Variants in DHX37 observed in about 807,000 individuals in gnomAD.
The protein encoded by DHX37 is DEAH-box helicase 37.
DHX37 carries 52 observed loss-of-function variants against 134.3 expected under a neutral mutation model. That is an observed-to-expected ratio of 0.39 (90% CI 0.31 to 0.49). The LOEUF (loss-of-function observed/expected upper bound fraction) is 0.49. Ranked by LOEUF, DHX37 falls within the 20% of genes least tolerant of loss-of-function variation. The pLI, the probability that DHX37 is intolerant of heterozygous loss-of-function variation, is 0.93. For synonymous variants in DHX37, 634 were observed against 670.7 expected (o/e 0.95, Z 0.85); for missense variants, 1,344 against 1,580.8 (o/e 0.85, Z 2.54).
chr12:124,975,950 G>A (rs1954631246), intron 5 of DHX37, among the ~76,000 whole-genome samples: 1 of 152,230 alleles, frequency 6.6e-6, no homozygotes, highest in South Asian at 2.1e-4. Context: ...CAACAGGAGA[G>A]CTCCTTCCAT....
intron 10 of DHX37, among the ~76,000 whole-genome samples, chr12:124,967,906 T>C (rs190884021): frequency 2.1e-4 from 32 of 151,942 alleles, no homozygotes; most frequent in African/African-American, 7.5e-4. Context: ...CCATCTCTAC[T>C]AAAATACAAA....
chr12:124,985,577 ATAC>A (rs1954852614), intron 2 of DHX37, among the ~76,000 whole-genome samples: 1 of 98,324 alleles, frequency 1.0e-5, no homozygotes. Context: ...TCTACTAAAA[ATAC>A]AAAAAAAAAA....
Position 124,975,516 on chromosome 12 carries a change from G to A in DHX37, c.888-5C>T, listed in dbSNP as rs200622385. On this transcript the variant is annotated splice_polypyrimidine_tract_variant and splice_region_variant and intron_variant, in intron 5 of 26. Transcript: ENST00000308736. ...ACACCGATGATGCTGTCTTCACTGG[G>A]GGAGGAAGAACATGGCCATCAACAG... The A allele has an allele frequency of 6.2e-6, 10 of 1,611,886 alleles. No individual in the cohort carries two copies. In the African/African-American group the frequency reaches 6.7e-5, roughly 11 times the overall value.
At chr12:124,964,764 G>C in intron 14 of DHX37, 138 bp from the exon 15 acceptor site, 1 of 1,469,152 alleles carries the variant, frequency 6.8e-7, no homozygotes, top group Non-Finnish European at 9.1e-7. Context: ...GGGGCCCAGT[G>C]CCTTGGGGGA....
intron 2 of DHX37, 33 bp downstream of exon 2, chr12:124,986,063 G>T (rs1236499638): frequency 6.2e-7 from 1 of 1,610,982 alleles, no homozygotes; most frequent in South Asian, 1.1e-5. Flanking sequence ...ATGCTGGAGA[G>T]CCACTTGCAG....
rs1594510569 is a variant in DHX37, at chr12:124,980,807, C to T, written c.421G>A (p.Glu141Lys). The change falls in exon 4 of 27, where the codon GAG becomes AAG. Residue 141 changes from glutamate to lysine, a missense_variant. Physicochemically the swap from Glu to Lys is moderately conservative, Grantham distance 56. This residue lies in a region of DHX37 where 319 missense variants were observed against 296.1 expected (regional missense o/e 1.08). Transcript: ENST00000308736. The surrounding 1 kb of genome is among the most constrained non-coding windows in gnomAD (Gnocchi z 5.3). ...GCACCGCTGAGGCTACTGATCTTCT[C>T]CTGGCCCGGGGCTACCACCTCGTCA... is the stretch of plus-strand genomic sequence containing the variant. ...KADEVVAPGQ[E>K]KISSLSGAHR... is the part of the protein sequence containing the mutation. The T allele has an allele frequency of 1.3e-6, 2 of 1,557,304 alleles. No individual in the cohort carries two copies. Among genetic ancestry groups the T allele is most frequent in the South Asian group, 1.2e-5 (1 of 85,658 alleles).
chr12:124,952,415 A>T lies in DHX37; in HGVS notation c.2851T>A (p.Trp951Arg), dbSNP rs1481848818. 1 of 1,609,786 alleles carries T rather than the reference A, an allele frequency of 6.2e-7. No homozygotes were observed. Among genetic ancestry groups the T allele is most frequent in the African/African-American group, 1.3e-5 (1 of 74,872 alleles). ...VQSEEMLEDK[W>R]RNAYKTPLLD... is the part of the protein sequence containing the mutation. ...GGCCGCACCTTGTAGGCGTTCCTCC[A>T]CTTGTCCTCCAGCATCTCCTCGCTC... Residue 951 changes from tryptophan (W) to arginine (R), a missense_variant, in exon 21 of 27, where the codon TGG (tryptophan) becomes AGG (arginine). Transcript: ENST00000308736.
Position 124,952,350 on chromosome 12 carries a change from C to G in DHX37, c.2868+48G>C, listed in dbSNP as rs753621820. On this transcript the variant is annotated intron_variant, in intron 21 of 26. Coordinates refer to ENST00000308736, the MANE Select transcript of DHX37 (RefSeq NM_032656.4). Reference sequence around the variant, plus strand: ...CTGAGGGCCCAGCCCGCCTGCCCCTCACCAGGTGCCCCAAGCTACCCGGGC... The same window carrying G: ...CTGAGGGCCCAGCCCGCCTGCCCCTGACCAGGTGCCCCAAGCTACCCGGGC... 9 of 1,543,070 alleles carry G rather than the reference C, an allele frequency of 5.8e-6. No individual in the cohort carries two copies. In the East Asian group the frequency reaches 2.2e-4, roughly 38 times the overall value.
chr12:124,972,686 G>T, intron 6 of DHX37, 87 bp from the exon 7 acceptor site: 1 of 1,391,828 alleles, frequency 7.2e-7, no homozygotes, highest in South Asian at 1.2e-5. Context: ...CCGTGGAGCA[G>T]GCAGGCGGCT....
In DHX37 at chr12:124,954,195, C is replaced by T. The variant is rs199924927; in HGVS notation, c.2470G>A (p.Glu824Lys). The stretch of plus-strand genomic sequence containing the variant: ...TTGCTCTTCAGCCTGGTGAGCTCCT[C>T]GTCACTGGCCGCTGGTCTGCAAACA... Reference protein sequence around the residue: ...EELDRPAASDEELTRLKSKRA... With the variant: ...EELDRPAASDKELTRLKSKRA... The change falls in exon 19 of 27, where the codon GAG (glutamate) becomes AAG (lysine). Residue 824 changes from glutamate (E) to lysine (K), a missense_variant. Transcript: ENST00000308736. 77 of 1,601,096 alleles carry T rather than the reference C, an allele frequency of 4.8e-5. No homozygotes were observed. The Middle Eastern group carries it at 1.0e-3, about 21-fold the overall frequency.
In DHX37 at chr12:124,989,067, G is replaced by T; in HGVS notation, c.-45C>A. 1 of 1,271,670 alleles carries T rather than the reference G, an allele frequency of 7.9e-7. No homozygotes were observed. The highest frequency in any genetic ancestry group is 1.0e-6 in the Non-Finnish European group (1 of 995,922). 78.8% of individuals were successfully genotyped at this position (1,271,670 alleles called of 1,614,324 possible). ...GCGCTCCAGCGGCCGGACCAGCAGA[G>T]CAATCCGAAACCCAGCCCACGTGGG... On this transcript the variant is annotated 5_prime_UTR_variant, in exon 1 of 27. Transcript: ENST00000308736.
At chr12:124,975,321 C>A in intron 6 of DHX37, 98 bp downstream of exon 6, 1 of 1,266,272 alleles carries the variant, frequency 7.9e-7, no homozygotes. Context: ...ACCCAGCACC[C>A]TCGGCACAGA....
intron 1 of DHX37, among the ~76,000 whole-genome samples, chr12:124,987,011 T>C (rs1276066441): frequency 1.3e-5 from 2 of 152,148 alleles, no homozygotes; most frequent in Non-Finnish European, 2.9e-5. Context: ...CCTCCCAAAG[T>C]GTTGGGATTA....
At position 124,982,640 on chromosome 12, in the gene DHX37, G is replaced by C. The variant is rs757016245; in HGVS notation, c.277-17C>G. 6.2e-7 allele frequency: 1 copy of C among 1,611,802 alleles called. No homozygotes were observed. Among genetic ancestry groups the C allele is most frequent in the South Asian group, 1.1e-5 (1 of 90,960 alleles). Reference sequence around the variant, plus strand: ...CTCTGCTCGCTGGGAAAGGAAACGAGTGTATTATGCATTTGCCATCACGAC... The same window carrying C: ...CTCTGCTCGCTGGGAAAGGAAACGACTGTATTATGCATTTGCCATCACGAC... On this transcript the variant is annotated splice_polypyrimidine_tract_variant and intron_variant, in intron 2 of 26. Coordinates refer to ENST00000308736, the MANE Select transcript of DHX37 (RefSeq NM_032656.4).
At chr12:124,950,644 TAGC>T in intron 22 of DHX37, 43 bp downstream of exon 22, 2 of 1,601,206 alleles carry the variant, frequency 1.2e-6, no homozygotes, top group Admixed American at 3.5e-5. Flanking sequence ...ACACCCCCAT[TAGC>T]GTCACCATCG....
At position 124,964,610 on chromosome 12, in the gene DHX37, G is replaced by A. The variant is rs775249132; in HGVS notation, c.1829C>T (p.Pro610Leu). 1.1e-5 allele frequency: 17 copies of A among 1,610,662 alleles called. No individual in the cohort carries two copies. The highest frequency in any genetic ancestry group is 1.7e-4 in the Middle Eastern group (1 of 6,058). Residue 610 changes from proline (P) to leucine (L), a missense_variant, in exon 15 of 27, where the codon CCG (proline) becomes CTG (leucine). Pro to Leu is a moderately conservative substitution (Grantham distance 98). This residue lies in a region of DHX37 where 289 missense variants were observed against 323.8 expected (regional missense o/e 0.89). Transcript: ENST00000308736. Reference sequence around the variant, plus strand: ...CACAACACACAACCGAGTCCCCTCCGGTGGAGGCTTAAAGACCTAGGATTC... The same window carrying A: ...CACAACACACAACCGAGTCCCCTCCAGTGGAGGCTTAAAGACCTAGGATTC... Reference protein sequence around the residue: ...EKQAQVFKPPPEGTRLCVVAT... With the variant: ...EKQAQVFKPPLEGTRLCVVAT...
intron 2 of DHX37, among the ~76,000 whole-genome samples, chr12:124,984,979 G>A (rs1315172654): frequency 2.0e-5 from 3 of 152,124 alleles, no homozygotes; most frequent in Admixed American, 6.6e-5. Flanking sequence ...AGAGACACAC[G>A]GAGGAAAGGC....
In DHX37 at chr12:124,971,322, T is replaced by C. The variant is rs757425201; in HGVS notation, c.1171A>G (p.Ile391Val). ...GCTACCTTAGCCCGGAGAGTCACAA[T>C]GCGGGACAGGAGGCCGATGAGGATG... is the stretch of plus-strand genomic sequence containing the variant. ...TDILIGLLSRIVTLRAKRNLP... is the reference protein window; with the variant it reads ...TDILIGLLSRVVTLRAKRNLP... Residue 391 changes from isoleucine (I) to valine (V), a missense_variant, in exon 8 of 27, where the codon ATT becomes GTT. Around this residue, in one of 7 missense-constraint regions of DHX37, gnomAD observed 289 missense variants for 323.8 expected, o/e 0.89. Transcript: ENST00000308736. 1.6e-5 allele frequency: 25 copies of C among 1,612,826 alleles called. No individual in the cohort carries two copies. The highest frequency in any genetic ancestry group is 1.7e-5 in the Non-Finnish European group (20 of 1,179,966).
rs1954731770 is a variant in DHX37 at position 124,980,345 on chromosome 12, G to A, written c.738+145C>T. Reference sequence around the variant, plus strand: ...GCACCAATCCCTGCCACAGCCTCAAGGGAGGCGCAGTCACTCTCCCCTTTC... The same window carrying A: ...GCACCAATCCCTGCCACAGCCTCAAAGGAGGCGCAGTCACTCTCCCCTTTC... On this transcript the variant is annotated intron_variant, in intron 4 of 26. Coordinates refer to ENST00000308736, the MANE Select transcript of DHX37 (RefSeq NM_032656.4). The surrounding 1 kb of genome is among the most constrained non-coding windows in gnomAD (Gnocchi z 5.3). The A allele has an allele frequency of 5.2e-6, 5 of 961,592 alleles. No individual in the cohort carries two copies. Among genetic ancestry groups the A allele is most frequent in the African/African-American group, 5.0e-5 (3 of 59,848 alleles). 59.6% of individuals were successfully genotyped at this position (961,592 alleles called of 1,614,324 possible).
Sources: gnomAD v4.1 joint callset for allele counts (sites outside exome capture counted in the v4.1 genomes callset) on GRCh38, gnomAD v4.1.1 for gene constraint, gnomAD v4.1.1 regional missense constraint, Gnocchi (gnomAD v3.1) non-coding constraint, MANE v1.5 for transcripts, NCBI Gene and HGNC (gene_info 2026-07-23, HGNC 2026-07-21) for gene names.